Variants in CDKL5 observed in about 807,000 individuals in gnomAD.
CDKL5 encodes the protein cyclin-dependent kinase-like 5.
In CDKL5, 8 loss-of-function variants were observed where a neutral mutation model predicts 61.7. That is an observed-to-expected ratio of 0.13 (90% CI 0.08 to 0.23). The LOEUF (loss-of-function observed/expected upper bound fraction) is 0.23. Among genes scored for constraint, CDKL5 ranks in the 10% least tolerant of loss-of-function variants. The pLI, the probability that CDKL5 is intolerant of heterozygous loss-of-function variation, is 1.00. For synonymous variants in CDKL5, 275 were observed against 272.3 expected (o/e 1.01, Z -0.10); for missense variants, 440 against 734.5 (o/e 0.60, Z 4.63).
chrX:18,561,458 C>T (rs1387117527), intron 3 of CDKL5, among the ~76,000 whole-genome samples: 1 of 110,448 alleles, frequency 9.1e-6, no homozygotes, highest in African/African-American at 3.3e-5. Flanking sequence ...AATTATAGCT[C>T]ATGTATCTAT....
chrX:18,520,981 C>G (rs1328485191), intron 3 of CDKL5, among the ~76,000 whole-genome samples: 5 of 112,420 alleles, frequency 4.4e-5, no homozygotes, highest in African/African-American at 1.6e-4. Context: ...TCCAGCGATC[C>G]ACCTACCTTG....
chrX:18,576,844 G>C (rs1200182183), intron 5 of CDKL5, among the ~76,000 whole-genome samples: 1 of 105,350 alleles, frequency 9.5e-6, no homozygotes, highest in Non-Finnish European at 1.9e-5. Flanking sequence ...AAAAAAAAAG[G>C]ATTGCTGTAT....
intron 15 of CDKL5, among the ~76,000 whole-genome samples, chrX:18,613,601 T>G (rs1230970790): frequency 1.8e-5 from 2 of 112,053 alleles, no homozygotes; most frequent in Non-Finnish European, 3.8e-5. Context: ...GCTTAGCATT[T>G]GATGTGCATC....
At chrX:18,534,221 C>T (rs1370269955) in intron 3 of CDKL5, among the ~76,000 whole-genome samples, 1 of 111,526 alleles carries the variant, frequency 9.0e-6, no homozygotes, top group Non-Finnish European at 1.9e-5. Flanking sequence ...TTGACCTGGC[C>T]GACCCTATCC....
At chrX:18,613,123 C>T in intron 14 of CDKL5, 29 bp from the exon 15 acceptor site, 1 of 1,060,819 alleles carries the variant, frequency 9.4e-7, no homozygotes, top group Non-Finnish European at 1.3e-6. Context: ...AAGAAAAGTC[C>T]ATCAGTGACT....
At chrX:18,651,746 T>C (rs1350214526) in intron 21 of CDKL5, among the ~76,000 whole-genome samples, 1 of 112,125 alleles carries the variant, frequency 8.9e-6, no homozygotes, top group African/African-American at 3.2e-5. Flanking sequence ...GCTGGATTTC[T>C]TCTAACGTGG....
At chrX:18,492,649 C>T (rs988743871) in intron 1 of CDKL5, among the ~76,000 whole-genome samples, 2 of 111,434 alleles carry the variant, frequency 1.8e-5, no homozygotes, top group East Asian at 5.7e-4. Context: ...AATCCATCCT[C>T]AGTGGTATTG....
At chrX:18,575,632 T>G in intron 5 of CDKL5, 142 bp downstream of exon 5, 1 of 539,064 alleles carries the variant, frequency 1.9e-6, no homozygotes, top group South Asian at 3.0e-5. Flanking sequence ...GAAAGTGTTG[T>G]TAATAATCAT....
rs201508159 is a variant in CDKL5 at position 18,507,552 on chromosome X, TTTCATTCA to T, written c.64+425_64+432del. Among the ~76,000 whole-genome samples the T allele has an allele frequency of 1.9e-3, 199 of 102,705 alleles. 1 individual carries two copies. Among genetic ancestry groups the T allele is most frequent in the Admixed American group, 3.5e-3 (33 of 9,456 alleles). The allele number at this position is 102,705 out of a possible 115,157, so 89.2% of individuals were successfully genotyped here. ...CTAGGCTTATTTTGAATAACTTAAA[TTTCATTCA>T]TTCATTCATTCATTCATTCATTCAT... On this transcript the variant is annotated intron_variant, in intron 2 of 17. Transcript: ENST00000623535.
At chrX:18,596,264 C>T (rs1015185254) in intron 10 of CDKL5, among the ~76,000 whole-genome samples, 2 of 110,707 alleles carry the variant, frequency 1.8e-5, no homozygotes. Context: ...ATTCTCAGAA[C>T]TTTGCCGTGC....
chrX:18,646,172 GAC>G, intron 20 of CDKL5: 1 of 1,186,156 alleles, frequency 8.4e-7, no homozygotes, highest in Non-Finnish European at 1.1e-6. Flanking sequence ...TCCTTTCTGA[GAC>G]AGAGTCTTGC....
chrX:18,528,998 G>A lies in CDKL5; in HGVS notation c.99+18144G>A, dbSNP rs769508523. On this transcript the variant is annotated intron_variant, in intron 3 of 17. Coordinates refer to ENST00000623535, the MANE Select transcript of CDKL5 (RefSeq NM_001323289.2). ...AATTTCTTTTAACTGGTGTATTGAG[G>A]CCATTCACAGTTAAAATGATATTAA... Among the ~76,000 whole-genome samples, 4 of 109,902 alleles carry A rather than the reference G, an allele frequency of 3.6e-5. No individual in the cohort carries two copies. In the East Asian group the frequency reaches 1.1e-3, roughly 31 times the overall value.
At chrX:18,621,771 T>C (rs950320101) in intron 16 of CDKL5, among the ~76,000 whole-genome samples, 1 of 111,698 alleles carries the variant, frequency 9.0e-6, no homozygotes, top group African/African-American at 3.3e-5. Flanking sequence ...AAGTGTCAAA[T>C]CAAAATGCCA....
chrX:18,472,379 C>T (rs1030663103), intron 1 of CDKL5, among the ~76,000 whole-genome samples: 2 of 111,726 alleles, frequency 1.8e-5, no homozygotes, highest in African/African-American at 6.5e-5. Flanking sequence ...TTTACAATCC[C>T]AGTAAATGAA....
intron 4 of CDKL5, among the ~76,000 whole-genome samples, chrX:18,573,812 C>T (rs925339215): frequency 8.9e-6 from 1 of 111,962 alleles, no homozygotes; most frequent in African/African-American, 3.2e-5. Context: ...GTGTTGACTC[C>T]GTGTTCCCAG....
intron 14 of CDKL5, 60 bp downstream of exon 14, chrX:18,609,630 A>G (rs988705520): frequency 4.2e-6 from 5 of 1,198,666 alleles, no homozygotes; most frequent in African/African-American, 1.7e-5. Context: ...CTTTATGTGC[A>G]CACTGCTTTC....
chrX:18,526,346 T>C (rs1259541141), intron 3 of CDKL5, among the ~76,000 whole-genome samples: 1 of 112,433 alleles, frequency 8.9e-6, no homozygotes, highest in Non-Finnish European at 1.9e-5. Context: ...TTCTTTTTTT[T>C]GTTTTTGTAG....
At chrX:18,471,722 A>G (rs772321069) in intron 1 of CDKL5, among the ~76,000 whole-genome samples, 29 of 110,514 alleles carry the variant, frequency 2.6e-4, no homozygotes, top group Non-Finnish European at 4.6e-4. Flanking sequence ...GTTTCAGTTT[A>G]TGTATTTTAT....
At chrX:18,563,273 A>G (rs1051836478) in intron 3 of CDKL5, among the ~76,000 whole-genome samples, 1 of 111,848 alleles carries the variant, frequency 8.9e-6, no homozygotes, top group Non-Finnish European at 1.9e-5. Flanking sequence ...TAAGAACATG[A>G]TATCAATGTA....
Sources: allele counts gnomAD v4.1 joint callset (sites outside exome capture counted in the v4.1 genomes callset), GRCh38; gene constraint gnomAD v4.1.1; transcripts MANE v1.5; gene names NCBI Gene and HGNC (gene_info 2026-07-23, HGNC 2026-07-21).